The following FAM120A variants were observed in gnomAD, a reference collection of about 807,000 sequenced individuals.
The protein encoded by FAM120A is constitutive coactivator of PPAR-gamma-like protein 1.
In FAM120A, 15 loss-of-function variants were observed where a neutral mutation model predicts 109.7. The ratio of observed to expected loss-of-function variants is 0.14; its 90% CI spans 0.09 to 0.21. The LOEUF is 0.21. FAM120A is among the 10% of genes least tolerant of loss of function. The pLI is 1.00. For synonymous variants in FAM120A, 493 were observed against 572.8 expected (o/e 0.86, Z 1.99); for missense variants, 899 against 1,439.3 (o/e 0.62, Z 6.07).
At position 93,471,394 on chromosome 9, in the gene FAM120A, G is replaced by A; in HGVS notation, c.721+7G>A. ...ATTTTTGCTGCTCTCTTAGGTAGGTGGAGCAGTGTGAAAATATTTTATAAG... is the reference window on the plus strand; with the variant it reads ...ATTTTTGCTGCTCTCTTAGGTAGGTAGAGCAGTGTGAAAATATTTTATAAG... On this transcript the variant is annotated splice_region_variant and intron_variant, in intron 2 of 17. Coordinates refer to ENST00000277165, the MANE Select transcript of FAM120A (RefSeq NM_014612.5). The A allele has an allele frequency of 6.2e-7, 1 of 1,613,898 alleles. No homozygotes were observed. The highest frequency in any genetic ancestry group is 2.2e-5 in the East Asian group (1 of 44,884).
intron 14 of FAM120A, 63 bp from the exon 15 acceptor site, chr9:93,558,518 C>T: frequency 6.3e-7 from 1 of 1,583,830 alleles, no homozygotes; most frequent in Non-Finnish European, 8.6e-7. Flanking sequence ...CCTGAATACC[C>T]AGCAGGGCCC....
chr9:93,468,835 T>A (rs1457336959), intron 1 of FAM120A, among the ~76,000 whole-genome samples: 1 of 152,218 alleles, frequency 6.6e-6, no homozygotes, highest in Non-Finnish European at 1.5e-5. Context: ...GTTACCGGGT[T>A]AAAGAGTGTG....
chr9:93,557,692 A>T, intron 13 of FAM120A, 135 bp from the exon 14 acceptor site: 1 of 872,534 alleles, frequency 1.1e-6, no homozygotes, highest in Non-Finnish European at 1.7e-6. Flanking sequence ...CAAGTAGGAG[A>T]ATTTGCAGAC....
intron 7 of FAM120A, among the ~76,000 whole-genome samples, chr9:93,518,399 A>G (rs1860694778): frequency 6.6e-6 from 1 of 152,126 alleles, no homozygotes; most frequent in South Asian, 2.1e-4. Flanking sequence ...GAGAACAAAG[A>G]ATTGCTTTTA....
intron 7 of FAM120A, among the ~76,000 whole-genome samples, chr9:93,519,938 C>T (rs1860772036): frequency 6.6e-6 from 1 of 151,964 alleles, no homozygotes; most frequent in Non-Finnish European, 1.5e-5. Context: ...TGCAGTGGGA[C>T]CATCATAACT....
chr9:93,525,842 G>A (rs1231020482), intron 7 of FAM120A, among the ~76,000 whole-genome samples: 3 of 152,200 alleles, frequency 2.0e-5, no homozygotes, highest in Non-Finnish European at 4.4e-5. Context: ...GTTTCTCCAA[G>A]CTCCATGAAG....
At chr9:93,478,111 A>G (rs1010926125) in intron 3 of FAM120A, among the ~76,000 whole-genome samples, 3 of 152,200 alleles carry the variant, frequency 2.0e-5, no homozygotes, top group African/African-American at 7.2e-5. Context: ...AAAAATAAGG[A>G]CATTTTGATA....
At chr9:93,535,734 G>A (rs1861491271) in intron 10 of FAM120A, among the ~76,000 whole-genome samples, 1 of 152,172 alleles carries the variant, frequency 6.6e-6, no homozygotes, top group South Asian at 2.1e-4. Context: ...ATATATCCAT[G>A]ATTATCACTG....
At chr9:93,511,268 G>A (rs374264973) in intron 5 of FAM120A, among the ~76,000 whole-genome samples, 4 of 152,242 alleles carry the variant, frequency 2.6e-5, no homozygotes, top group African/African-American at 9.6e-5. Context: ...CTGTCACCAG[G>A]CCTCCTCTTC....
chr9:93,549,817 G>A (rs925635515), intron 11 of FAM120A, among the ~76,000 whole-genome samples: 1 of 152,208 alleles, frequency 6.6e-6, no homozygotes, highest in Non-Finnish European at 1.5e-5. Context: ...AAAGGTTTAT[G>A]ACTAAGTCAT....
intron 5 of FAM120A, among the ~76,000 whole-genome samples, chr9:93,507,956 G>T (rs992538315): frequency 6.6e-6 from 1 of 152,162 alleles, no homozygotes; most frequent in Non-Finnish European, 1.5e-5. Context: ...GAAATGCAGG[G>T]GAGAATTGAA....
Position 93,452,694 on chromosome 9 carries a change from C to T in FAM120A, c.474+305C>T, listed in dbSNP as rs1857319447. On this transcript the variant is annotated intron_variant, in intron 1 of 17. Coordinates refer to ENST00000277165, the MANE Select transcript of FAM120A (RefSeq NM_014612.5). This position sits in a 1 kb window ranked among gnomAD's most constrained non-coding sequence, Gnocchi z 7.0. ...GCGACAGTGTCATCATCCCCAATATCCTTAGTTTTTCCCATCCTATTTGAG... is the reference window on the plus strand; with the variant it reads ...GCGACAGTGTCATCATCCCCAATATTCTTAGTTTTTCCCATCCTATTTGAG... 1 of 1,598,642 alleles carries T rather than the reference C, an allele frequency of 6.3e-7. No homozygotes were observed. Among genetic ancestry groups the T allele is most frequent in the South Asian group, 1.1e-5 (1 of 91,088 alleles).
chr9:93,473,119 G>A (rs986939543), intron 2 of FAM120A, among the ~76,000 whole-genome samples: 3 of 152,002 alleles, frequency 2.0e-5, no homozygotes, highest in Admixed American at 6.5e-5. Context: ...CATGGTTCAA[G>A]CAGTTCTCAT....
At chr9:93,494,980 G>A (rs1446013426) in intron 3 of FAM120A, among the ~76,000 whole-genome samples, 1 of 152,156 alleles carries the variant, frequency 6.6e-6, no homozygotes, top group East Asian at 1.9e-4. Flanking sequence ...GAACGTGAAG[G>A]CCACCACAGC....
chr9:93,456,464 C>T (rs536045049), intron 1 of FAM120A, among the ~76,000 whole-genome samples: 20 of 152,312 alleles, frequency 1.3e-4, no homozygotes, highest in Admixed American at 9.8e-4. Flanking sequence ...TTAGAATTTT[C>T]ATGGTTAGCA....
chr9:93,516,922 G>C (rs757853606), intron 7 of FAM120A, among the ~76,000 whole-genome samples: 18 of 152,150 alleles, frequency 1.2e-4, no homozygotes, highest in Non-Finnish European at 1.6e-4. Flanking sequence ...AAAAAAAACA[G>C]GGAAAGAATA....
At chr9:93,467,051 T>C (rs1027151201) in intron 1 of FAM120A, among the ~76,000 whole-genome samples, 3 of 152,158 alleles carry the variant, frequency 2.0e-5, no homozygotes, top group Non-Finnish European at 1.5e-5. Context: ...TCAGTCTGCA[T>C]TCTATCCTGG....
chr9:93,476,115 G>A (rs1296679670), intron 2 of FAM120A, 141 bp from the exon 3 acceptor site: 5 of 589,458 alleles, frequency 8.5e-6, no homozygotes, highest in Admixed American at 3.1e-5. Context: ...GCTGTATGTC[G>A]CTTTATGTTA....
Position 93,532,001 on chromosome 9 carries a change from C to T in FAM120A, c.1735-154C>T, listed in dbSNP as rs1177902237. The stretch of plus-strand genomic sequence containing the variant: ...GCCACAGCCTGCCAAATGAACTCTT[C>T]CTAAACATCTTTATTTAGGCAAGTT... On this transcript the variant is annotated intron_variant, in intron 9 of 17. Coordinates refer to ENST00000277165, the MANE Select transcript of FAM120A (RefSeq NM_014612.5). This position sits in a 1 kb window ranked among gnomAD's most constrained non-coding sequence, Gnocchi z 4.3. Among the ~76,000 whole-genome samples, 2 of 152,142 alleles carry T rather than the reference C, an allele frequency of 1.3e-5. No homozygotes were observed. The highest frequency in any genetic ancestry group is 6.5e-5 in the Admixed American group (1 of 15,280).
Sources: gnomAD v4.1 joint callset for allele counts (sites outside exome capture counted in the v4.1 genomes callset) on GRCh38, gnomAD v4.1.1 for gene constraint, Gnocchi (gnomAD v3.1) non-coding constraint, MANE v1.5 for transcripts, NCBI Gene and HGNC (gene_info 2026-07-23, HGNC 2026-07-21) for gene names.